Variants in CTPS1 observed in about 807,000 individuals in gnomAD.
CTPS1 encodes CTP synthase 1, also known as CTP synthetase 1.
CTPS1 carries 25 observed loss-of-function variants against 80.5 expected under a neutral mutation model. That is an observed-to-expected ratio of 0.31 (90% confidence interval 0.23 to 0.43). The LOEUF is 0.43. Among genes scored for constraint, CTPS1 ranks in the 20% least tolerant of loss-of-function variants. The pLI, the probability that CTPS1 is intolerant of heterozygous loss-of-function variation, is 1.00. For synonymous variants in CTPS1, 267 were observed against 252.5 expected, an observed-to-expected ratio of 1.06 and a Z score of -0.54; for missense variants, 442 against 725.7, an observed-to-expected ratio of 0.61 and a Z score of 4.49.
chr1:40,980,083 A>AGCGGGGC (rs1651791670), intron 1 of CTPS1: 1 of 150,802 alleles, frequency 6.6e-6, no homozygotes, highest in African/African-American at 2.4e-5. Context: ...AGAGGGGCCA[A>AGCGGGGC]GCGGGGCGCG....
At chr1:40,995,192 C>T (rs1247825132) in intron 7 of CTPS1, among the ~76,000 whole-genome samples, 1 of 152,056 alleles carries the variant, frequency 6.6e-6, no homozygotes, top group African/African-American at 2.4e-5. Context: ...TTTTTTAAAG[C>T]TACATTTGTG....
At chr1:40,997,140 G>T in intron 8 of CTPS1, 1 of 390,322 alleles carries the variant, frequency 2.6e-6, no homozygotes, top group Non-Finnish European at 4.6e-6. Context: ...TGTTTTTTGT[G>T]GGGGTTTTTT....
At chr1:40,986,156 G>A (rs1247956562) in intron 3 of CTPS1, among the ~76,000 whole-genome samples, 1 of 152,224 alleles carries the variant, frequency 6.6e-6, no homozygotes, top group East Asian at 1.9e-4. Flanking sequence ...GAAACAAAAC[G>A]AGACGTCTGT....
At chr1:41,009,173 C>T (rs1296667955) in intron 16 of CTPS1, among the ~76,000 whole-genome samples, 1 of 152,180 alleles carries the variant, frequency 6.6e-6, no homozygotes, top group Non-Finnish European at 1.5e-5. Context: ...TCCTGAACCG[C>T]AAGACTCAGT....
rs1642748738 is a variant in CTPS1, at chr1:40,996,248, G to A, written c.872+180G>A. ...TTAGCTGTCACGTAGCTGTGGCACA[G>A]ATGAGGAGATCCTGATAGGGCCAGG... is the stretch of plus-strand genomic sequence containing the variant. On this transcript the variant is annotated intron_variant, in intron 8 of 18. Transcript: ENST00000650070. 1.3e-5 allele frequency: 9 copies of A among 673,594 alleles called. No individual in the cohort carries two copies. The Admixed American group carries it at 2.5e-4, about 18-fold the overall frequency. 41.7% of individuals were successfully genotyped at this position (673,594 alleles called of 1,614,324 possible).
rs753922614 is a variant in CTPS1 at position 40,983,422 on chromosome 1, C to T, written c.132C>T (p.Asn44=). The change falls in exon 2 of 19, where the codon AAC becomes AAT. Residue 44 remains asparagine (N), a synonymous_variant. Transcript: ENST00000650070. ...CAATCAAAATTGACCCCTACATTAACATTGATGCAGGAACATTCTCTCCTT... is the reference window on the plus strand; with the variant it reads ...CAATCAAAATTGACCCCTACATTAATATTGATGCAGGAACATTCTCTCCTT... ...VTSIKIDPYI[N]IDAGTFSPYE... The T allele has an allele frequency of 5.0e-6, 8 of 1,613,496 alleles. No homozygotes were observed. The African/African-American group carries it at 8.0e-5, about 16-fold the overall frequency.
chr1:40,988,382 C>A, intron 4 of CTPS1: 1 of 439,394 alleles, frequency 2.3e-6, no homozygotes. Flanking sequence ...CCATAATAAC[C>A]TTTGGGAAGG....
chr1:40,981,487 T>G (rs970857715), intron 1 of CTPS1, among the ~76,000 whole-genome samples: 33 of 152,228 alleles, frequency 2.2e-4, no homozygotes, highest in Non-Finnish European at 3.1e-4. Flanking sequence ...GACCAGGGTA[T>G]AGTCTCAGTA....
intron 17 of CTPS1, 101 bp from the exon 18 acceptor site, chr1:41,010,060 A>G (rs1643130508): frequency 1.4e-6 from 1 of 703,268 alleles, no homozygotes; most frequent in Non-Finnish European, 2.5e-6. Context: ...GATTCCTGCC[A>G]TGTGCAGGCA....
At chr1:40,987,340 C>T (rs759821555) in intron 3 of CTPS1, 32 bp from the exon 4 acceptor site, 24 of 1,496,922 alleles carry the variant, frequency 1.6e-5, no homozygotes, top group South Asian at 1.3e-4. Context: ...GATGGACAAG[C>T]GTAAGTTCCC....
chr1:40,985,507 C>CT (rs1642428951), intron 3 of CTPS1, among the ~76,000 whole-genome samples: 1 of 152,118 alleles, frequency 6.6e-6, no homozygotes, highest in African/African-American at 2.4e-5. Flanking sequence ...TCGCTTACAT[C>CT]TATTTGCTGT....
intron 3 of CTPS1, 134 bp downstream of exon 3, chr1:40,985,125 C>A (rs1470381976): frequency 3.8e-6 from 2 of 529,790 alleles, no homozygotes; most frequent in African/African-American, 3.9e-5. Context: ...GCATGAAACT[C>A]TCAAGGTATT....
chr1:41,006,237 C>G, intron 13 of CTPS1, 143 bp downstream of exon 13: 1 of 638,472 alleles, frequency 1.6e-6, no homozygotes, highest in East Asian at 2.8e-5. Flanking sequence ...TCAGACCTAC[C>G]AGAGAGGAAA....
At chr1:40,988,981 G>C (rs184172588) in intron 5 of CTPS1, among the ~76,000 whole-genome samples, 76 of 152,304 alleles carry the variant, frequency 5.0e-4, no homozygotes, top group African/African-American at 1.8e-3. Context: ...GAGTAAAGAG[G>C]CTGTTTTTAA....
intron 9 of CTPS1, among the ~76,000 whole-genome samples, chr1:40,999,531 T>C (rs1192916139): frequency 1.3e-5 from 2 of 152,156 alleles, no homozygotes; most frequent in East Asian, 1.9e-4. Flanking sequence ...CACAATGAGA[T>C]AGTGACACAA....
rs1382589291 is a variant in CTPS1, at chr1:41,002,709, G to A, written c.1190-405G>A. Among the ~76,000 whole-genome samples, 6 of 152,134 alleles carry A rather than the reference G, an allele frequency of 3.9e-5. No homozygotes were observed. In the South Asian group the frequency reaches 8.3e-4, roughly 21 times the overall value. ...ATTTTAAAGTACTGAGGCTAGGCAC[G>A]GTGGTTCACACCTGTAAACCCAACA... On this transcript the variant is annotated intron_variant, in intron 11 of 18. Transcript: ENST00000650070.
chr1:40,986,646 A>G (rs1642460345), intron 3 of CTPS1, among the ~76,000 whole-genome samples: 1 of 152,236 alleles, frequency 6.6e-6, no homozygotes, highest in Non-Finnish European at 1.5e-5. Context: ...GTTAAACAGT[A>G]ATCTTCACCT....
chr1:40,991,155 T>C lies in CTPS1; in HGVS notation c.556-10T>C. ...AACTAACTTTTTTTTTTTTTTCTTT[T>C]GTGAAATAGCCAAGTTCAACAGGGG... is the stretch of plus-strand genomic sequence containing the variant. On this transcript the variant is annotated splice_polypyrimidine_tract_variant and intron_variant, in intron 5 of 18. Transcript: ENST00000650070. 6.4e-7 allele frequency: 1 copy of C among 1,573,168 alleles called. No individual in the cohort carries two copies. Among genetic ancestry groups the C allele is most frequent in the Non-Finnish European group, 8.6e-7 (1 of 1,167,384 alleles).
At chr1:41,000,552 T>C (rs1642879345) in intron 9 of CTPS1, among the ~76,000 whole-genome samples, 1 of 152,000 alleles carries the variant, frequency 6.6e-6, no homozygotes, top group South Asian at 2.1e-4. Context: ...CACGCCCGGC[T>C]CATTCTATAT....
Sources: gnomAD v4.1 joint callset for allele counts (sites outside exome capture counted in the v4.1 genomes callset) on GRCh38, gnomAD v4.1.1 for gene constraint, MANE v1.5 for transcripts, NCBI Gene and HGNC (gene_info 2026-07-23, HGNC 2026-07-21) for gene names.